Variants in MBOAT1 observed in about 807,000 individuals in gnomAD.
The protein encoded by MBOAT1 is membrane bound glycerophospholipid O-acyltransferase 1.
Under a neutral mutation model 64.4 loss-of-function variants are expected in MBOAT1, and 67 were observed. The observed-to-expected ratio is 1.04, with a 90% CI of 0.85 to 1.27. MBOAT1 has a LOEUF of 1.27. MBOAT1 is among the 50% of genes most tolerant of loss of function. The pLI is 0.00. For synonymous variants in MBOAT1, 229 were observed against 218.9 expected (o/e 1.05, Z -0.41); for missense variants, 563 against 604.6 (o/e 0.93, Z 0.72).
At chr6:20,143,853 A>G (rs191837535) in intron 4 of MBOAT1, among the ~76,000 whole-genome samples, 366 of 152,338 alleles carry the variant, frequency 2.4e-3, no homozygotes, top group African/African-American at 8.1e-3. Flanking sequence ...AATAGTAAAT[A>G]TTCCAGGCTT....
intron 4 of MBOAT1, among the ~76,000 whole-genome samples, chr6:20,136,578 A>G (rs1220159830): frequency 1.3e-5 from 2 of 152,226 alleles, no homozygotes; most frequent in Non-Finnish European, 2.9e-5. Flanking sequence ...CCAGGATGTC[A>G]TAAACCAACA....
intron 1 of MBOAT1, among the ~76,000 whole-genome samples, chr6:20,196,524 T>C (rs1762958901): frequency 1.3e-5 from 2 of 152,252 alleles, no homozygotes; most frequent in South Asian, 4.2e-4. Flanking sequence ...GAAAATGTTC[T>C]AAAATTCAAT....
At chr6:20,176,828 T>C (rs1381855176) in intron 1 of MBOAT1, among the ~76,000 whole-genome samples, 1 of 152,126 alleles carries the variant, frequency 6.6e-6, no homozygotes, top group Non-Finnish European at 1.5e-5. Context: ...TTCATCATGT[T>C]GGCCAGGCTG....
chr6:20,111,802 GTTCATATATA>G (rs1385334525), intron 11 of MBOAT1, among the ~76,000 whole-genome samples: 3 of 31,396 alleles, frequency 9.6e-5, no homozygotes, highest in Admixed American at 2.8e-4. Context: ...AATCCACTTT[GTTCATATATA>G]TACATATATA....
At position 20,207,780 on chromosome 6, in the gene MBOAT1, C is replaced by T. The variant is rs562238058; in HGVS notation, c.99+4356G>A. ...CATCAAATGTAAACAGTAAATTCTACATGAGTCCAGCATGTCCTGTGGGCA... is the reference window on the plus strand; with the variant it reads ...CATCAAATGTAAACAGTAAATTCTATATGAGTCCAGCATGTCCTGTGGGCA... On this transcript the variant is annotated intron_variant, in intron 1 of 12. Coordinates refer to ENST00000324607, the MANE Select transcript of MBOAT1 (RefSeq NM_001080480.3). Among the ~76,000 whole-genome samples, 121 of 152,342 alleles carry T rather than the reference C, an allele frequency of 7.9e-4. 1 individual carries two copies. In the South Asian group the frequency reaches 0.024, roughly 30 times the overall value.
At chr6:20,210,155 C>A (rs1763379914) in intron 1 of MBOAT1, among the ~76,000 whole-genome samples, 1 of 152,308 alleles carries the variant, frequency 6.6e-6, no homozygotes, top group African/African-American at 2.4e-5. Flanking sequence ...TATAAAATTT[C>A]TCAACCTCAA....
At chr6:20,115,267 G>A (rs770947545) in intron 10 of MBOAT1, 21 bp downstream of exon 10, 1 of 1,593,758 alleles carries the variant, frequency 6.3e-7, no homozygotes, top group East Asian at 2.2e-5. Flanking sequence ...TAAGTAATGA[G>A]GTCGTTTTTG....
intron 1 of MBOAT1, among the ~76,000 whole-genome samples, chr6:20,162,927 G>T (rs1451694502): frequency 6.6e-6 from 1 of 152,124 alleles, no homozygotes; most frequent in African/African-American, 2.4e-5. Context: ...CTCTAGAATG[G>T]GATAATCCCT....
intron 1 of MBOAT1, among the ~76,000 whole-genome samples, chr6:20,195,637 A>G (rs1174017367): frequency 2.8e-5 from 4 of 142,154 alleles, no homozygotes; most frequent in East Asian, 3.9e-4. Context: ...GTGTGTGTGC[A>G]TGTGCACTAA....
chr6:20,131,147 C>T lies in MBOAT1; in HGVS notation c.472G>A (p.Asp158Asn). ...AAAGGAGGGCTGCTGTTCTTACCAT[C>T]ATGAACCTGGAATGCCAAGGTTGTG... ...KITTLAFQVH[D>N]GLGRRAEDLS... Residue 158 changes from aspartate to asparagine, a missense_variant, in exon 5 of 13, where the codon GAT (aspartate) becomes AAT (asparagine). Coordinates refer to ENST00000324607, the MANE Select transcript of MBOAT1 (RefSeq NM_001080480.3). 1 of 1,613,754 alleles carries T rather than the reference C, an allele frequency of 6.2e-7. No individual in the cohort carries two copies. Among genetic ancestry groups the T allele is most frequent in the South Asian group, 1.1e-5 (1 of 91,068 alleles).
At position 20,151,312 on chromosome 6, in the gene MBOAT1, A is replaced by G; in HGVS notation, c.246-50T>C. ...GGAGTAATGAATATATTTCATATTA[A>G]CACAGCTATTGGTCACCAAAACTGT... On this transcript the variant is annotated intron_variant, in intron 2 of 12. Transcript: ENST00000324607. 2.2e-6 allele frequency: 3 copies of G among 1,366,714 alleles called. No homozygotes were observed. In the South Asian group the frequency reaches 3.5e-5, roughly 16 times the overall value. 84.7% of individuals were successfully genotyped at this position (1,366,714 alleles called of 1,614,324 possible).
chr6:20,189,699 C>T (rs1762751016), intron 1 of MBOAT1, among the ~76,000 whole-genome samples: 1 of 151,656 alleles, frequency 6.6e-6, no homozygotes, highest in Non-Finnish European at 1.5e-5. Flanking sequence ...CCTTCCCAAC[C>T]CTAGCTCCTG....
At chr6:20,173,109 A>G (rs183608408) in intron 1 of MBOAT1, among the ~76,000 whole-genome samples, 134 of 152,334 alleles carry the variant, frequency 8.8e-4, no homozygotes, top group African/African-American at 2.9e-3. Context: ...CACCATGATT[A>G]TAAGTTCCCT....
At chr6:20,175,512 T>C (rs1762316369) in intron 1 of MBOAT1, among the ~76,000 whole-genome samples, 1 of 152,218 alleles carries the variant, frequency 6.6e-6, no homozygotes, top group Admixed American at 6.5e-5. Flanking sequence ...AGTAGCACAA[T>C]CTCGGCTCAC....
rs545491587 is a variant in MBOAT1 at position 20,103,326 on chromosome 6, A to C, written c.1362-914T>G. On this transcript the variant is annotated intron_variant, in intron 12 of 12. Coordinates refer to ENST00000324607, the MANE Select transcript of MBOAT1 (RefSeq NM_001080480.3). ...TAATTTTTAACAAAAAAGGTTTCAA[A>C]AGTAAAAAAACAAAATAGAAAAAAG... 1.7e-4 allele frequency among the ~76,000 whole-genome samples: 26 copies of C among 152,344 alleles called. No homozygotes were observed. In the South Asian group the frequency reaches 5.2e-3, roughly 30 times the overall value.
At chr6:20,161,838 C>T (rs1169811517) in intron 1 of MBOAT1, among the ~76,000 whole-genome samples, 1 of 152,174 alleles carries the variant, frequency 6.6e-6, no homozygotes, top group Non-Finnish European at 1.5e-5. Context: ...GGCCTGTATT[C>T]ATTTTCTAGG....
chr6:20,118,102 T>C (rs1484935282), intron 9 of MBOAT1, among the ~76,000 whole-genome samples: 2 of 152,026 alleles, frequency 1.3e-5, no homozygotes, highest in Admixed American at 6.6e-5. Context: ...CTGAAATAGG[T>C]AGAAAGAGAA....
rs187711462 is a variant in MBOAT1, at chr6:20,169,191, G to A, written c.100-16422C>T. ...TGCTGCCATGAGTAAGATCTCTGGG[G>A]ACAATGGAAAATGCAGAACCAGGGC... is the stretch of plus-strand genomic sequence containing the variant. On this transcript the variant is annotated intron_variant, in intron 1 of 12. Coordinates refer to ENST00000324607, the MANE Select transcript of MBOAT1 (RefSeq NM_001080480.3). 3.9e-5 allele frequency among the ~76,000 whole-genome samples: 6 copies of A among 152,250 alleles called. No homozygotes were observed. The East Asian group carries it at 9.6e-4, about 24-fold the overall frequency.
chr6:20,191,304 C>G (rs1435884563), intron 1 of MBOAT1, among the ~76,000 whole-genome samples: 2 of 152,228 alleles, frequency 1.3e-5, no homozygotes, highest in Non-Finnish European at 2.9e-5. Flanking sequence ...TTCCCAGCCT[C>G]TAGAACTGTG....
Sources: gnomAD v4.1 joint callset for allele counts (sites outside exome capture counted in the v4.1 genomes callset) on GRCh38, gnomAD v4.1.1 for gene constraint, MANE v1.5 for transcripts, NCBI Gene and HGNC (gene_info 2026-07-23, HGNC 2026-07-21) for gene names.